The following RGS6 variants were observed in gnomAD, a reference collection of about 807,000 sequenced individuals.
RGS6 encodes the protein regulator of G-protein signaling 6.
RGS6 carries 30 observed loss-of-function variants against 78.5 expected under a neutral mutation model. That is an observed-to-expected ratio of 0.38 (90% CI 0.29 to 0.52). RGS6 has a LOEUF of 0.52. Among genes scored for constraint, RGS6 ranks in the 20% least tolerant of loss-of-function variants. The pLI is 0.85. For missense variants in RGS6, 495 were observed against 609.7 expected, an observed-to-expected ratio of 0.81 and a Z score of 1.98; for synonymous variants, 206 against 206.0, an observed-to-expected ratio of 1.00 and a Z score of 0.00.
intron 2 of RGS6, among the ~76,000 whole-genome samples, chr14:72,138,536 A>T (rs1292532583): frequency 2.1e-5 from 3 of 141,996 alleles, no homozygotes; most frequent in African/African-American, 8.0e-5. Flanking sequence ...GAAACTCTAT[A>T]TTCCTGTGCC....
chr14:71,894,825 T>A, the RGS6 span, among the ~76,000 whole-genome samples: 1 of 45,668 alleles, frequency 2.2e-5, no homozygotes, highest in African/African-American at 9.1e-5. Context: ...GGTATTTTCC[T>A]TTTTTTATTT....
At chr14:72,274,943 C>T (rs1039979165) in intron 2 of RGS6, among the ~76,000 whole-genome samples, 4 of 152,222 alleles carry the variant, frequency 2.6e-5, no homozygotes, top group Non-Finnish European at 4.4e-5. Context: ...TTCCTTTACT[C>T]ATGATCAACT....
intron 2 of RGS6, among the ~76,000 whole-genome samples, chr14:72,259,609 T>TA (rs1472070040): frequency 6.6e-6 from 1 of 152,148 alleles, no homozygotes; most frequent in African/African-American, 2.4e-5. Flanking sequence ...ACTGAGGGTT[T>TA]AAAAATGCTT....
At chr14:72,112,936 TCCC>T (rs1359799728) in intron 2 of RGS6, among the ~76,000 whole-genome samples, 1 of 152,224 alleles carries the variant, frequency 6.6e-6, no homozygotes, top group African/African-American at 2.4e-5. Flanking sequence ...TAAAGTTCAT[TCCC>T]CTGAATCAAA....
chr14:71,993,193 T>G (rs941029300), intron 2 of RGS6, among the ~76,000 whole-genome samples: 1 of 152,208 alleles, frequency 6.6e-6, no homozygotes, highest in Non-Finnish European at 1.5e-5. Flanking sequence ...GGGGAACTTG[T>G]CCCTTTAGTT....
intron 2 of RGS6, among the ~76,000 whole-genome samples, chr14:72,035,916 A>C (rs184191775): frequency 6.6e-6 from 1 of 152,244 alleles, no homozygotes; most frequent in African/African-American, 2.4e-5. Flanking sequence ...CAGTTCTATG[A>C]ATTTTGACAC....
chr14:72,534,766 C>T (rs2153494800), intron 15 of RGS6, among the ~76,000 whole-genome samples: 1 of 152,266 alleles, frequency 6.6e-6, no homozygotes, highest in South Asian at 2.1e-4. Context: ...TGTGCCTCCT[C>T]CTTCGATCCC....
chr14:72,164,572 A>G (rs1198059200), intron 2 of RGS6, among the ~76,000 whole-genome samples: 7 of 152,190 alleles, frequency 4.6e-5, no homozygotes, highest in Non-Finnish European at 7.3e-5. Context: ...ATTATTTTCC[A>G]TTTTATAATG....
chr14:72,554,119 C>A (rs553758730), intron 17 of RGS6, among the ~76,000 whole-genome samples: 1 of 152,220 alleles, frequency 6.6e-6, no homozygotes, highest in African/African-American at 2.4e-5. Context: ...AGAAATGAGC[C>A]GGCCCTCTTT....
chr14:71,922,344 C>T, the RGS6 span, among the ~76,000 whole-genome samples: 1 of 152,210 alleles, frequency 6.6e-6, no homozygotes, highest in Non-Finnish European at 1.5e-5. Context: ...ACCATCATCC[C>T]TCACCATACT....
At chr14:72,437,666 G>A (rs777797608) in intron 3 of RGS6, among the ~76,000 whole-genome samples, 3 of 152,132 alleles carry the variant, frequency 2.0e-5, no homozygotes, top group Non-Finnish European at 2.9e-5. Flanking sequence ...CATTCTTAGC[G>A]TGTTCTCTGA....
At chr14:72,536,315 A>T (rs1449411464) in intron 16 of RGS6, 40 bp downstream of exon 16, 2 of 1,418,132 alleles carry the variant, frequency 1.4e-6, no homozygotes, top group Non-Finnish European at 2.0e-6. Flanking sequence ...AGCACTGTTG[A>T]CTCTTGCCTG....
At chr14:72,500,563 A>G (rs1005441350) in intron 13 of RGS6, among the ~76,000 whole-genome samples, 3 of 152,354 alleles carry the variant, frequency 2.0e-5, no homozygotes, top group Admixed American at 2.0e-4. Context: ...GGCTCTCAAG[A>G]TAACAAATGT....
At chr14:72,115,680 A>G (rs1165282358) in intron 2 of RGS6, among the ~76,000 whole-genome samples, 2 of 152,220 alleles carry the variant, frequency 1.3e-5, no homozygotes, top group African/African-American at 4.8e-5. Flanking sequence ...AAAGGCACCA[A>G]TGCAAAAGAC....
At chr14:72,541,713 G>A (rs917646569) in intron 17 of RGS6, 5 of 1,378,362 alleles carry the variant, frequency 3.6e-6, no homozygotes, top group Middle Eastern at 2.6e-4. Context: ...ACAAGCCAAG[G>A]GTGCCTGTGT....
chr14:72,371,338 A>AT (rs140648526), intron 3 of RGS6, among the ~76,000 whole-genome samples: 2,975 of 152,218 alleles, frequency 0.02, 35 homozygotes, highest in Middle Eastern at 0.034. Flanking sequence ...TCCTTGTTTG[A>AT]TTTTTTTCTC....
chr14:72,092,126 A>G (rs2095288691), intron 2 of RGS6, among the ~76,000 whole-genome samples: 1 of 151,772 alleles, frequency 6.6e-6, no homozygotes, highest in Non-Finnish European at 1.5e-5. Flanking sequence ...CCTGAATTCA[A>G]TCAATTCTCC....
chr14:72,480,605 G>A (rs528760405), intron 12 of RGS6, among the ~76,000 whole-genome samples: 1 of 152,276 alleles, frequency 6.6e-6, no homozygotes, highest in East Asian at 1.9e-4. Context: ...CCCCAGATAA[G>A]GAGGAGGAGG....
upstream of RGS6, among the ~76,000 whole-genome samples, chr14:71,928,214 T>C (rs1322843172): frequency 6.6e-6 from 1 of 152,216 alleles, no homozygotes; most frequent in Non-Finnish European, 1.5e-5. Context: ...ACTAATTCTG[T>C]GCCCTTTGAG....
Sources: gnomAD v4.1 joint callset for allele counts (sites outside exome capture counted in the v4.1 genomes callset) on GRCh38, gnomAD v4.1.1 for gene constraint, MANE v1.5 for transcripts, NCBI Gene and HGNC (gene_info 2026-07-23, HGNC 2026-07-21) for gene names.